Variants in SEZ6L2 observed in about 807,000 individuals in gnomAD.
SEZ6L2 encodes seizure related 6 homolog like 2.
In SEZ6L2, 44 loss-of-function variants were observed where a neutral mutation model predicts 97.0. The ratio of observed to expected loss-of-function variants is 0.45; its 90% CI spans 0.36 to 0.58. The LOEUF (loss-of-function observed/expected upper bound fraction) is 0.58, where lower values mean the gene tolerates loss of function less well. Among genes scored for constraint, SEZ6L2 ranks in the 20% least tolerant of loss-of-function variants. The pLI is 0.00. For synonymous variants in SEZ6L2, 543 were observed against 546.1 expected (o/e 0.99, Z 0.08); for missense variants, 1,086 against 1,233.3 (o/e 0.88, Z 1.79).
Position 29,879,945 on chromosome 16 carries a change from C to T in SEZ6L2, c.1492G>A (p.Glu498Lys). The change falls in exon 9 of 18, where the codon GAG (glutamate) becomes AAG (lysine). Residue 498 changes from glutamate (E) to lysine (K), a missense_variant. Transcript: ENST00000617533. ...ATGGCATTGGGGGGCCCAGGGGGCTCCAGGGCATATCCTGGGAGGCACGAG... is the reference window on the plus strand; with the variant it reads ...ATGGCATTGGGGGGCCCAGGGGGCTTCAGGGCATATCCTGGGAGGCACGAG... ...TFSCLPGYALEPPGPPNAIEC... is the reference protein window; with the variant it reads ...TFSCLPGYALKPPGPPNAIEC... 6.2e-7 allele frequency: 1 copy of T among 1,614,142 alleles called. No individual in the cohort carries two copies. Among genetic ancestry groups the T allele is most frequent in the Non-Finnish European group, 8.5e-7 (1 of 1,180,012 alleles).
At chr16:29,885,075 G>T (rs1219209168) in intron 8 of SEZ6L2, among the ~76,000 whole-genome samples, 1 of 151,972 alleles carries the variant, frequency 6.6e-6, no homozygotes, top group African/African-American at 2.4e-5. Context: ...GGGCGCGGTG[G>T]CGGGTGCCTG....
chr16:29,883,443 C>T (rs1191026543), intron 8 of SEZ6L2, among the ~76,000 whole-genome samples: 1 of 152,104 alleles, frequency 6.6e-6, no homozygotes, highest in Non-Finnish European at 1.5e-5. Context: ...TTCCATGTAG[C>T]TGGGACTAGA....
chr16:29,891,065 C>T (rs1271805097), intron 5 of SEZ6L2, among the ~76,000 whole-genome samples: 2 of 152,110 alleles, frequency 1.3e-5, no homozygotes, highest in Non-Finnish European at 2.9e-5. Flanking sequence ...CCTCAGCCTC[C>T]TGAGTAGCTG....
rs1232986041 is a variant in SEZ6L2, at chr16:29,873,280, G to A, written c.2448C>T (p.Gly816=). Residue 816 remains glycine (G), a synonymous_variant, in exon 14 of 18, where the codon GGC becomes GGT. Transcript: ENST00000617533. The surrounding 1 kb of genome is among the most constrained non-coding windows in gnomAD (Gnocchi z 4.3). ...GCTGGCTGGTCCACTGGGAGGGGTG[G>A]CCGGGCACACAGGTGATGGTGACCT... ...IGEVTITCVP[G]HPSQWTSQPP... is the part of the protein sequence containing the mutation. 6.2e-7 allele frequency: 1 copy of A among 1,614,130 alleles called. No homozygotes were observed. Among genetic ancestry groups the A allele is most frequent in the East Asian group, 2.2e-5 (1 of 44,884 alleles).
Position 29,896,995 on chromosome 16 carries a change from CT to C in SEZ6L2, c.337del (p.Arg113GlyfsTer11), listed in dbSNP as rs758885443. ...TTCTGGCGCAGTGGGGCCTGCCCCC[CT>C]GACCCCGTTAGGGGTGACGGCTGTT... is the stretch of plus-strand genomic sequence containing the variant. ...LTTAVTPNGV[R>X]GAGPTAPELL... On this transcript the variant is annotated frameshift_variant, in exon 3 of 18. Coordinates refer to ENST00000617533, the MANE Select transcript of SEZ6L2 (RefSeq NM_001243332.2). LOFTEE classifies it high-confidence loss of function. 1.3e-6 allele frequency: 2 copies of C among 1,588,666 alleles called. No individual in the cohort carries two copies. The highest frequency in any genetic ancestry group is 8.5e-7 in the Non-Finnish European group (1 of 1,170,478).
Position 29,877,448 on chromosome 16 carries a change from CCCCTT to C in SEZ6L2, c.1727_1731del (p.Glu576GlyfsTer130). 1.2e-6 allele frequency: 2 copies of C among 1,600,210 alleles called. No individual in the cohort carries two copies. The highest frequency in any genetic ancestry group is 1.7e-6 in the Non-Finnish European group (2 of 1,173,016). Reference sequence around the variant, plus strand: ...TCCCCGTCGAACAGCGTCAGCATGTCCCCTTCCCGCACATTCAATCTGCAGGGGGT... The same window carrying C: ...TCCCCGTCGAACAGCGTCAGCATGTCCCCGCACATTCAATCTGCAGGGGGT... On this transcript the variant is annotated frameshift_variant, in exon 11 of 18. Coordinates refer to ENST00000617533, the MANE Select transcript of SEZ6L2 (RefSeq NM_001243332.2). LOFTEE classifies it high-confidence loss of function.
chr16:29,874,826 C>T (rs2067870817), intron 12 of SEZ6L2, among the ~76,000 whole-genome samples: 2 of 152,032 alleles, frequency 1.3e-5, no homozygotes, highest in African/African-American at 4.8e-5. Flanking sequence ...CCACCTCAGC[C>T]TCCACCAGTG....
At chr16:29,883,211 A>T (rs531425255) in intron 8 of SEZ6L2, among the ~76,000 whole-genome samples, 2 of 151,888 alleles carry the variant, frequency 1.3e-5, no homozygotes, top group African/African-American at 2.4e-5. Flanking sequence ...TGTTTATACA[A>T]CTCCTCTGTT....
At chr16:29,890,397 T>G (rs1255402318) in intron 5 of SEZ6L2, among the ~76,000 whole-genome samples, 2 of 152,150 alleles carry the variant, frequency 1.3e-5, no homozygotes, top group East Asian at 3.9e-4. Context: ...ATGGTAGCTT[T>G]GGGAATGGCT....
chr16:29,880,039 G>C lies in SEZ6L2; in HGVS notation c.1398C>G (p.Ala466=). The C allele has an allele frequency of 6.2e-7, 1 of 1,614,182 alleles. No homozygotes were observed. The highest frequency in any genetic ancestry group is 8.5e-7 in the Non-Finnish European group (1 of 1,180,026). Residue 466 remains alanine (A), a synonymous_variant, in exon 9 of 18, where the codon GCC becomes GCG. Transcript: ENST00000617533. The part of the protein sequence containing the change: ...FEAFEEDRCF[A]PFLAHGNVTT... ...TGACATTTCCATGTGCCAGGAAGGG[G>C]GCGAAGCAGCGATCCTCCTCAAAGG...
intron 5 of SEZ6L2, among the ~76,000 whole-genome samples, chr16:29,892,302 G>A (rs1348733876): frequency 2.0e-5 from 3 of 152,244 alleles, no homozygotes; most frequent in African/African-American, 7.2e-5. Context: ...ACTGAGCAAT[G>A]AAGGCCAATT....
chr16:29,871,820 A>T (rs1482394793), intron 17 of SEZ6L2, 92 bp from the exon 18 acceptor site: 6 of 1,187,076 alleles, frequency 5.1e-6, no homozygotes, highest in Non-Finnish European at 7.4e-6. Flanking sequence ...CTGGGTTTTA[A>T]AGTAACATTG....
At chr16:29,872,789 G>A in intron 14 of SEZ6L2, 46 bp from the exon 15 acceptor site, 2 of 1,527,426 alleles carry the variant, frequency 1.3e-6, no homozygotes, top group Non-Finnish European at 1.8e-6. Context: ...GCCAGGGAGG[G>A]GAGGAGGCTG....
rs376386839 is a variant in SEZ6L2 at position 29,873,677 on chromosome 16, C to T, written c.2157G>A (p.Ser719=). 110 of 1,611,716 alleles carry T rather than the reference C, an allele frequency of 6.8e-5. No homozygotes were observed. Among genetic ancestry groups the T allele is most frequent in the African/African-American group, 5.6e-4 (42 of 75,038 alleles). Residue 719 remains serine (S), a synonymous_variant, in exon 13 of 18, where the codon TCG becomes TCA. Coordinates refer to ENST00000617533, the MANE Select transcript of SEZ6L2 (RefSeq NM_001243332.2). This position sits in a 1 kb window ranked among gnomAD's most constrained non-coding sequence, Gnocchi z 4.3. The part of the protein sequence containing the change: ...GEIANGHRTA[S]DAGFPVGSHV... ...GGGAGCCAACGGGGAAGCCGGCGTC[C>T]GAGGCGGTGCGGTGCCCGTTGGCAA...
At chr16:29,883,068 C>T (rs1435510611) in intron 8 of SEZ6L2, among the ~76,000 whole-genome samples, 1 of 152,198 alleles carries the variant, frequency 6.6e-6, no homozygotes, top group Non-Finnish European at 1.5e-5. Flanking sequence ...GTTACTTAAC[C>T]TGCAAGGTAT....
intron 8 of SEZ6L2, among the ~76,000 whole-genome samples, chr16:29,881,893 G>T (rs368233658): frequency 6.8e-6 from 1 of 146,256 alleles, no homozygotes; most frequent in African/African-American, 2.5e-5. Flanking sequence ...GCCTCCCAAA[G>T]TGCTGGGATT....
chr16:29,877,247 T>A (rs2067925334), intron 11 of SEZ6L2, 24 bp downstream of exon 11: 4 of 1,529,534 alleles, frequency 2.6e-6, no homozygotes, highest in Non-Finnish European at 3.5e-6. Flanking sequence ...CCCCTGCCCA[T>A]CCCGGGACTC....
At position 29,872,737 on chromosome 16, in the gene SEZ6L2, T is replaced by C. The variant is rs374110000; in HGVS notation, c.2495A>G (p.Tyr832Cys). 19 of 1,610,946 alleles carry C rather than the reference T, an allele frequency of 1.2e-5. No homozygotes were observed. The African/African-American group carries it at 2.1e-4, about 18-fold the overall frequency. ...TTTTCGGTTGTCCAGGAGCTCCTCA[T>C]AGGCAACTGCAGGGAGAGGAGGGGG... ...TSQPPLCKVAYEELLDNRKLE... is the reference protein window; with the variant it reads ...TSQPPLCKVACEELLDNRKLE... Residue 832 changes from tyrosine to cysteine, a missense_variant, in exon 15 of 18, where the codon TAT (tyrosine) becomes TGT (cysteine). By Grantham distance (194) the Tyr-to-Cys change is radical (BLOSUM62 -2). Around this residue, in one of 2 missense-constraint regions of SEZ6L2, gnomAD observed 310 missense variants for 438.6 expected, o/e 0.71. Transcript: ENST00000617533.
intron 9 of SEZ6L2, among the ~76,000 whole-genome samples, chr16:29,878,971 C>T (rs971691868): frequency 6.6e-5 from 10 of 151,652 alleles, no homozygotes; most frequent in Admixed American, 4.6e-4. Context: ...GGCGCAATCC[C>T]GGCTCACTGC....
Sources: allele counts gnomAD v4.1 joint callset (sites outside exome capture counted in the v4.1 genomes callset), GRCh38; gene constraint gnomAD v4.1.1; regional missense constraint gnomAD v4.1.1; non-coding constraint Gnocchi (gnomAD v3.1); transcripts MANE v1.5; gene names NCBI Gene and HGNC (gene_info 2026-07-23, HGNC 2026-07-21).